RFX2: variants seen among roughly 807,000 people sequenced by gnomAD.
The protein encoded by RFX2 is regulatory factor X2.
In RFX2, 20 loss-of-function variants were observed where a neutral mutation model predicts 87.8. The observed-to-expected ratio is 0.23, with a 90% CI of 0.16 to 0.33. RFX2 has a LOEUF of 0.33. Ranked by LOEUF, RFX2 falls within the 10% of genes least tolerant of loss-of-function variation. RFX2 has a pLI of 1.00. For synonymous variants in RFX2, 397 were observed against 431.3 expected (o/e 0.92, Z 0.98); for missense variants, 767 against 1,012.3 (o/e 0.76, Z 3.29).
At position 6,007,849 on chromosome 19, in the gene RFX2, AC is replaced by A; in HGVS notation, c.1135-48del. Reference sequence around the variant, plus strand: ...AGACAGACGGGTGCGTGCGCCCATCACGTGCACTCAGCACACGTCAAGTGAG... The same window carrying A: ...AGACAGACGGGTGCGTGCGCCCATCAGTGCACTCAGCACACGTCAAGTGAG... On this transcript the variant is annotated intron_variant, in intron 10 of 17. Coordinates refer to ENST00000303657, the MANE Select transcript of RFX2 (RefSeq NM_000635.4). This position sits in a 1 kb window ranked among gnomAD's most constrained non-coding sequence, Gnocchi z 8.2. 7.8e-7 allele frequency: 1 copy of A among 1,283,942 alleles called. No individual in the cohort carries two copies. Among genetic ancestry groups the A allele is most frequent in the Non-Finnish European group, 1.1e-6 (1 of 902,932 alleles). The allele number at this position is 1,283,942 out of a possible 1,614,324, so 79.5% of individuals were successfully genotyped here.
At chr19:6,057,215 T>C (rs955205703) in intron 1 of RFX2, 1 of 152,146 alleles carries the variant, frequency 6.6e-6, no homozygotes, top group Admixed American at 6.5e-5. Context: ...ACATCTCCCG[T>C]GGCTTCCTGA....
intron 1 of RFX2, among the ~76,000 whole-genome samples, chr19:6,107,078 A>G (rs922013152): frequency 5.4e-5 from 8 of 148,586 alleles, no homozygotes; most frequent in Non-Finnish European, 6.0e-5. Context: ...GGCGGATCAC[A>G]TGGTCAGGAG....
At chr19:6,096,390 G>A (rs2088023479) in intron 1 of RFX2, among the ~76,000 whole-genome samples, 1 of 152,146 alleles carries the variant, frequency 6.6e-6, no homozygotes, top group African/African-American at 2.4e-5. Context: ...TTTAAAGAAT[G>A]TATGCTCATA....
At chr19:6,084,076 C>T (rs1023735609) in intron 1 of RFX2, among the ~76,000 whole-genome samples, 1 of 152,112 alleles carries the variant, frequency 6.6e-6, no homozygotes, top group Admixed American at 6.5e-5. Context: ...TCTGTGAGTG[C>T]TAAAGAACCG....
rs768265176 is a variant in RFX2, at chr19:6,021,268, C to A, written c.597+4895G>T. Among the ~76,000 whole-genome samples the A allele has an allele frequency of 6.6e-6, 1 of 152,172 alleles. No individual in the cohort carries two copies. Among genetic ancestry groups the A allele is most frequent in the Non-Finnish European group, 1.5e-5 (1 of 68,048 alleles). ...TTTTCACCCATTCCACAAATATTTA[C>A]GAGAGCTGGCTCTATGCCAGGCCTT... On this transcript the variant is annotated intron_variant, in intron 6 of 17. Transcript: ENST00000303657. The surrounding 1 kb of genome is among the most constrained non-coding windows in gnomAD (Gnocchi z 5.7).
At chr19:6,043,113 G>A (rs2087134854) in intron 3 of RFX2, among the ~76,000 whole-genome samples, 1 of 152,222 alleles carries the variant, frequency 6.6e-6, no homozygotes, top group South Asian at 2.1e-4. Context: ...CCCCAGGGGT[G>A]GAAGTCAAAT....
In RFX2 at chr19:6,063,901, G is replaced by C. The variant is rs2087474726; in HGVS notation, c.-8-16397C>G. 6.6e-6 allele frequency among the ~76,000 whole-genome samples: 1 copy of C among 152,186 alleles called. No individual in the cohort carries two copies. The highest frequency in any genetic ancestry group is 6.5e-5 in the Admixed American group (1 of 15,280). ...CTGGGGGCAGGACCACCCCCATGGAGAACCACACGTCTAAGGCCACACCTT... is the reference window on the plus strand; with the variant it reads ...CTGGGGGCAGGACCACCCCCATGGACAACCACACGTCTAAGGCCACACCTT... On this transcript the variant is annotated intron_variant, in intron 1 of 17. Coordinates refer to ENST00000303657, the MANE Select transcript of RFX2 (RefSeq NM_000635.4). The surrounding 1 kb of genome is among the most constrained non-coding windows in gnomAD (Gnocchi z 4.0).
In RFX2 at chr19:6,004,376, C is replaced by A; in HGVS notation, c.1403-78G>T. The A allele has an allele frequency of 8.2e-7, 1 of 1,219,156 alleles. No homozygotes were observed. The allele number at this position is 1,219,156 out of a possible 1,614,324, so 75.5% of individuals were successfully genotyped here. ...TGGAAATCAGCATTCAGTGTAAGAG[C>A]TGGCCCAAGTGCGATGAAAATGACC... On this transcript the variant is annotated intron_variant, in intron 12 of 17. Transcript: ENST00000303657. This position sits in a 1 kb window ranked among gnomAD's most constrained non-coding sequence, Gnocchi z 4.8.
At chr19:6,100,242 T>C (rs771769295) in intron 1 of RFX2, among the ~76,000 whole-genome samples, 2 of 152,038 alleles carry the variant, frequency 1.3e-5, no homozygotes, top group African/African-American at 2.4e-5. Context: ...AAAAGGGAGA[T>C]GGGGCTGGAC....
chr19:6,072,981 AT>A (rs892578626), intron 1 of RFX2: 130 of 610,588 alleles, frequency 2.1e-4, no homozygotes, highest in Middle Eastern at 8.1e-4. Flanking sequence ...AGGACCAGAT[AT>A]TTTTTTTTCT....
intron 1 of RFX2, among the ~76,000 whole-genome samples, chr19:6,087,119 C>T (rs2087865771): frequency 6.6e-6 from 1 of 152,124 alleles, no homozygotes; most frequent in African/African-American, 2.4e-5. Flanking sequence ...CAGTTCACTT[C>T]CTGGGTGGGG....
In RFX2 at chr19:6,004,071, A is replaced by G; in HGVS notation, c.1500+130T>C. 2 of 733,278 alleles carry G rather than the reference A, an allele frequency of 2.7e-6. No individual in the cohort carries two copies. The highest frequency in any genetic ancestry group is 3.1e-5 in the South Asian group (2 of 65,164). The allele number at this position is 733,278 out of a possible 1,614,324, so 45.4% of individuals were successfully genotyped here. On this transcript the variant is annotated intron_variant, in intron 13 of 17. Transcript: ENST00000303657. This position sits in a 1 kb window ranked among gnomAD's most constrained non-coding sequence, Gnocchi z 4.8. ...CCGGCAGTGTGCTCAGGGCTTCCTGAAGGGATCGGTTACTCTCATGACGCA... is the reference window on the plus strand; with the variant it reads ...CCGGCAGTGTGCTCAGGGCTTCCTGGAGGGATCGGTTACTCTCATGACGCA...
intron 12 of RFX2, among the ~76,000 whole-genome samples, chr19:6,005,121 G>T (rs1308479424): frequency 3.9e-5 from 6 of 152,070 alleles, no homozygotes; most frequent in Non-Finnish European, 8.8e-5. Context: ...AAAAAAACCA[G>T]AAAAATATTT....
chr19:6,096,540 G>A (rs1273589206), intron 1 of RFX2, among the ~76,000 whole-genome samples: 4 of 151,942 alleles, frequency 2.6e-5, no homozygotes, highest in African/African-American at 7.2e-5. Flanking sequence ...TCCGCCCCCC[G>A]GGTTCATGCC....
chr19:6,062,523 G>A (rs552857860), intron 1 of RFX2, among the ~76,000 whole-genome samples: 3 of 152,296 alleles, frequency 2.0e-5, no homozygotes, highest in Non-Finnish European at 2.9e-5. Flanking sequence ...TAGAGCCTCC[G>A]GAGCCACAGC....
intron 1 of RFX2, among the ~76,000 whole-genome samples, chr19:6,053,814 T>C (rs2087295204): frequency 6.6e-6 from 1 of 151,822 alleles, no homozygotes; most frequent in Non-Finnish European, 1.5e-5. Context: ...AAATGAGCCA[T>C]GTGTAATGGC....
intron 1 of RFX2, among the ~76,000 whole-genome samples, chr19:6,088,274 C>CA (rs1185779467): frequency 7.0e-6 from 1 of 142,846 alleles, no homozygotes; most frequent in Non-Finnish European, 1.5e-5. Flanking sequence ...GGCTGGACAG[C>CA]AGTGGCGTGA....
chr19:6,103,972 C>A (rs1489997931), intron 1 of RFX2, among the ~76,000 whole-genome samples: 1 of 152,104 alleles, frequency 6.6e-6, no homozygotes, highest in Non-Finnish European at 1.5e-5. Context: ...TAGATGCCAG[C>A]CCCTGTGCTA....
chr19:6,003,778 C>CAAAAAAAAAAA (rs57470328), intron 13 of RFX2, among the ~76,000 whole-genome samples: 2 of 41,972 alleles, frequency 4.8e-5, no homozygotes, highest in African/African-American at 7.4e-5. Context: ...GACTCTGTCT[C>CAAAAAAAAAAA]AAAAAAAAAA....
Sources: allele counts gnomAD v4.1 joint callset (sites outside exome capture counted in the v4.1 genomes callset), GRCh38; gene constraint gnomAD v4.1.1; non-coding constraint Gnocchi (gnomAD v3.1); transcripts MANE v1.5; gene names NCBI Gene and HGNC (gene_info 2026-07-23, HGNC 2026-07-21).